Variants in TDRD3 observed in about 807,000 individuals in gnomAD.
The protein encoded by TDRD3 is tudor domain containing 3.
TDRD3 carries 45 observed loss-of-function variants against 86.7 expected under a neutral mutation model. The observed-to-expected ratio is 0.52, with a 90% CI of 0.41 to 0.67. The LOEUF is 0.67. Ranked by LOEUF, TDRD3 falls within the 30% of genes least tolerant of loss-of-function variation. The pLI is 0.00. For missense variants in TDRD3, 814 were observed against 889.0 expected (o/e 0.92, Z 1.07); for synonymous variants, 298 against 301.7 (o/e 0.99, Z 0.13).
intron 10 of TDRD3, among the ~76,000 whole-genome samples, chr13:60,515,360 C>T (rs572766735): frequency 6.6e-6 from 1 of 152,298 alleles, no homozygotes; most frequent in South Asian, 2.1e-4. Flanking sequence ...GACCTGATTG[C>T]ACCATTACTA....
At position 60,397,290 on chromosome 13, in the gene TDRD3, G is replaced by T. The variant is rs1205153111; in HGVS notation, c.-75G>T. On this transcript the variant is annotated 5_prime_UTR_variant, in exon 1 of 14. Coordinates refer to ENST00000377881, the MANE Select transcript of TDRD3 (RefSeq NM_001146070.2). Reference sequence around the variant, plus strand: ...TTCTTTTCTTTTTTTTTTTTTAAGGGGGGGGGTCTCAAGTAGGAGGCCTCC... The same window carrying T: ...TTCTTTTCTTTTTTTTTTTTTAAGGTGGGGGGTCTCAAGTAGGAGGCCTCC... 1.6e-5 allele frequency: 13 copies of T among 789,680 alleles called. No homozygotes were observed. In the East Asian group the frequency reaches 1.9e-4, roughly 12 times the overall value. The allele number at this position is 789,680 out of a possible 1,614,324, so 48.9% of individuals were successfully genotyped here.
At chr13:60,549,728 A>T (rs1274360277) in intron 12 of TDRD3, among the ~76,000 whole-genome samples, 4 of 152,134 alleles carry the variant, frequency 2.6e-5, no homozygotes, top group Admixed American at 1.3e-4. Context: ...ACTTTTGTTT[A>T]ATCTCATGAG....
intron 3 of TDRD3, among the ~76,000 whole-genome samples, chr13:60,451,235 G>T (rs1467920011): frequency 1.3e-5 from 2 of 152,134 alleles, no homozygotes; most frequent in East Asian, 3.9e-4. Flanking sequence ...TGCTAGTCAG[G>T]TGTAGCTGCC....
rs144284013 is a variant in TDRD3 at position 60,528,961 on chromosome 13, G to A, written c.1736G>A (p.Arg579Gln). ...AATACTGATTATCAGAATCCAGTTCGAAGTAATAGTTTCATTGGTGTTCCA... is the reference window on the plus strand; with the variant it reads ...AATACTGATTATCAGAATCCAGTTCAAAGTAATAGTTTCATTGGTGTTCCA... Reference protein sequence around the residue: ...NVNTDYQNPVRSNSFIGVPNG... With the variant: ...NVNTDYQNPVQSNSFIGVPNG... The change falls in exon 11 of 14, where the codon CGA becomes CAA. Residue 579 changes from arginine (R) to glutamine (Q), a missense_variant. By Grantham distance (43) the Arg-to-Gln change is conservative (BLOSUM62 1). Transcript: ENST00000377881. The A allele has an allele frequency of 3.8e-5, 61 of 1,613,810 alleles. 1 individual carries two copies. The South Asian group carries it at 4.7e-4, about 12-fold the overall frequency.
At position 60,528,760 on chromosome 13, in the gene TDRD3, C is replaced by G; in HGVS notation, c.1535C>G (p.Ser512Cys). ...SMQSRSGKGP[S>C]FAEAKENPLP... is the part of the protein sequence containing the mutation. ...CAAAGCAGATCAGGAAAAGGTCCCT[C>G]CTTTGCAGAGGCAAAAGAAAATCCA... Residue 512 changes from serine to cysteine, a missense_variant, in exon 11 of 14, where the codon TCC becomes TGC. By Grantham distance (112) the Ser-to-Cys change is moderately radical. Transcript: ENST00000377881. 6.2e-7 allele frequency: 1 copy of G among 1,613,498 alleles called. No individual in the cohort carries two copies. The highest frequency in any genetic ancestry group is 8.5e-7 in the Non-Finnish European group (1 of 1,179,834).
At chr13:60,521,980 G>C (rs1957296938) in intron 10 of TDRD3, among the ~76,000 whole-genome samples, 1 of 152,140 alleles carries the variant, frequency 6.6e-6, no homozygotes, top group Non-Finnish European at 1.5e-5. Flanking sequence ...AGTGGGATTT[G>C]ATAAGCAGAA....
At chr13:60,452,537 G>A (rs1218197991) in intron 3 of TDRD3, among the ~76,000 whole-genome samples, 11 of 151,696 alleles carry the variant, frequency 7.3e-5, no homozygotes, top group African/African-American at 2.4e-4. Flanking sequence ...GGTATTTCAC[G>A]TGAATGGAAT....
At chr13:60,421,903 A>G (rs1954670028) in intron 1 of TDRD3, among the ~76,000 whole-genome samples, 1 of 152,188 alleles carries the variant, frequency 6.6e-6, no homozygotes, top group African/African-American at 2.4e-5. Flanking sequence ...TCCACCCTAA[A>G]TGTGAAAAAT....
chr13:60,457,149 G>A (rs796788367), intron 3 of TDRD3, among the ~76,000 whole-genome samples: 5 of 152,050 alleles, frequency 3.3e-5, no homozygotes, highest in Non-Finnish European at 5.9e-5. Flanking sequence ...GAAAAAAATC[G>A]TTATATTTAC....
intron 12 of TDRD3, among the ~76,000 whole-genome samples, chr13:60,538,675 C>T (rs752535858): frequency 1.3e-4 from 20 of 152,030 alleles, no homozygotes; most frequent in Non-Finnish European, 2.4e-4. Context: ...CAAAGAAAAC[C>T]TGCTACTTGT....
At chr13:60,496,977 G>A (rs963778007) in intron 8 of TDRD3, among the ~76,000 whole-genome samples, 3 of 152,286 alleles carry the variant, frequency 2.0e-5, no homozygotes, top group Admixed American at 1.3e-4. Context: ...GGTGGGTCAC[G>A]GAAGAAAACC....
intron 1 of TDRD3, among the ~76,000 whole-genome samples, chr13:60,399,788 A>G (rs1374471304): frequency 2.6e-5 from 4 of 152,266 alleles, no homozygotes; most frequent in Non-Finnish European, 5.9e-5. Flanking sequence ...TCTGTTCTAT[A>G]GGCTTCACCT....
At chr13:60,397,051 C>G, upstream of TDRD3, 1 of 269,710 alleles carries the variant, frequency 3.7e-6, no homozygotes, top group Non-Finnish European at 6.9e-6. Flanking sequence ...CAAGTAAAAG[C>G]CTTCGGGGAA....
At chr13:60,527,143 T>C (rs1211739915) in intron 10 of TDRD3, among the ~76,000 whole-genome samples, 1 of 152,190 alleles carries the variant, frequency 6.6e-6, no homozygotes, top group Non-Finnish European at 1.5e-5. Flanking sequence ...CCTGACCACT[T>C]TGAGTCTTGA....
At chr13:60,406,127 T>G (rs9528131) in intron 1 of TDRD3, among the ~76,000 whole-genome samples, 1 of 152,036 alleles carries the variant, frequency 6.6e-6, no homozygotes, top group Non-Finnish European at 1.5e-5. Context: ...TAAAATAAGA[T>G]GTTAGGCATT....
In TDRD3 at chr13:60,481,724, G is replaced by T. The variant is rs1956322086; in HGVS notation, c.496-2051G>T. 3.3e-5 allele frequency among the ~76,000 whole-genome samples: 5 copies of T among 152,128 alleles called. No homozygotes were observed. The South Asian group carries it at 1.0e-3, about 32-fold the overall frequency. On this transcript the variant is annotated intron_variant, in intron 5 of 13. Coordinates refer to ENST00000377881, the MANE Select transcript of TDRD3 (RefSeq NM_001146070.2). ...CATCATCTTTGTCATCTATGGCCCA[G>T]TTTCTCTTGACTAAATTTTCAGATG...
intron 10 of TDRD3, among the ~76,000 whole-genome samples, chr13:60,527,232 C>A (rs1295561623): frequency 6.6e-6 from 1 of 152,154 alleles, no homozygotes; most frequent in Non-Finnish European, 1.5e-5. Flanking sequence ...TTACCAGATA[C>A]CTTTTGGCCT....
chr13:60,420,916 C>T (rs1055717805), intron 1 of TDRD3, among the ~76,000 whole-genome samples: 1 of 152,160 alleles, frequency 6.6e-6, no homozygotes, highest in Non-Finnish European at 1.5e-5. Context: ...TGTGCTCCAA[C>T]CTAGGTGACA....
intron 12 of TDRD3, among the ~76,000 whole-genome samples, chr13:60,565,923 C>A (rs935088445): frequency 6.6e-6 from 1 of 152,050 alleles, no homozygotes; most frequent in Non-Finnish European, 1.5e-5. Flanking sequence ...GATATAATAT[C>A]TGATACTTCT....
Sources: allele counts gnomAD v4.1 joint callset (sites outside exome capture counted in the v4.1 genomes callset), GRCh38; gene constraint gnomAD v4.1.1; transcripts MANE v1.5; gene names NCBI Gene and HGNC (gene_info 2026-07-23, HGNC 2026-07-21).